ZNF521: variants seen among roughly 807,000 people sequenced by gnomAD.
ZNF521 encodes LYST-interacting protein 3.
In ZNF521, 14 loss-of-function variants were observed where a neutral mutation model predicts 105.5. That is an observed-to-expected ratio of 0.13 (90% confidence interval 0.09 to 0.21). ZNF521 has a LOEUF of 0.21. Ranked by LOEUF, ZNF521 falls within the 10% of genes least tolerant of loss-of-function variation. The pLI is 1.00. For missense variants in ZNF521, 1,233 were observed against 1,629.7 expected, an observed-to-expected ratio of 0.76 and a Z score of 4.19; for synonymous variants, 635 against 606.0, an observed-to-expected ratio of 1.05 and a Z score of -0.70.
intron 4 of ZNF521, among the ~76,000 whole-genome samples, chr18:25,219,868 C>G (rs984206462): frequency 1.3e-5 from 2 of 151,940 alleles, no homozygotes; most frequent in Non-Finnish European, 2.9e-5. Context: ...AGGTGTAATC[C>G]CCATAAAAAT....
At chr18:25,121,622 A>G (rs965634808) in intron 5 of ZNF521, among the ~76,000 whole-genome samples, 1 of 152,092 alleles carries the variant, frequency 6.6e-6, no homozygotes, top group Non-Finnish European at 1.5e-5. Flanking sequence ...CAGCAGAGTG[A>G]CCACCATCCC....
At position 25,283,921 on chromosome 18, in the gene ZNF521, TTC is replaced by T. The variant is rs201224783; in HGVS notation, c.220+38085_220+38086del. 1.4e-3 allele frequency among the ~76,000 whole-genome samples: 109 copies of T among 78,436 alleles called. 1 individual carries two copies. Among genetic ancestry groups the T allele is most frequent in the South Asian group, 0.01 (16 of 1,594 alleles). The allele number at this position is 78,436 out of a possible 152,430, so 51.5% of individuals were successfully genotyped here. On this transcript the variant is annotated intron_variant, in intron 3 of 7. Transcript: ENST00000361524. The stretch of plus-strand genomic sequence containing the variant: ...CACACCTAAAAAACAAGCCAATACT[TTC>T]CCCCCCCCCCAAAAAAATTCATGAG...
chr18:25,274,626 G>C (rs1735556954), intron 3 of ZNF521, among the ~76,000 whole-genome samples: 1 of 152,202 alleles, frequency 6.6e-6, no homozygotes, highest in South Asian at 2.1e-4. Context: ...ATGTAACAAA[G>C]TTCAATATAG....
chr18:25,261,711 T>C (rs1908923593), intron 3 of ZNF521, among the ~76,000 whole-genome samples: 1 of 152,066 alleles, frequency 6.6e-6, no homozygotes. Context: ...GAGCAGAGGC[T>C]GTCCAGTCTC....
intron 7 of ZNF521, among the ~76,000 whole-genome samples, chr18:25,087,704 T>C (rs2033653770): frequency 6.6e-6 from 1 of 152,208 alleles, no homozygotes; most frequent in Non-Finnish European, 1.5e-5. Context: ...TAGATTATTT[T>C]AATAAGATGT....
chr18:25,089,087 A>C (rs1332766281), intron 7 of ZNF521, among the ~76,000 whole-genome samples: 2 of 152,192 alleles, frequency 1.3e-5, no homozygotes, highest in Non-Finnish European at 1.5e-5. Flanking sequence ...CCTCAGGACA[A>C]CAATAACCTG....
intron 2 of ZNF521, chr18:25,327,397 T>G (rs774687068): frequency 3.5e-6 from 4 of 1,141,688 alleles, no homozygotes; most frequent in East Asian, 1.2e-4. Flanking sequence ...AGTTCATATG[T>G]GTACTCACAA....
intron 7 of ZNF521, among the ~76,000 whole-genome samples, chr18:25,064,443 C>A (rs2032997092): frequency 6.6e-6 from 1 of 152,210 alleles, no homozygotes; most frequent in African/African-American, 2.4e-5. Flanking sequence ...CGTTTGCAGA[C>A]CTGCAACTTG....
chr18:25,104,629 C>T (rs945859268), intron 5 of ZNF521, among the ~76,000 whole-genome samples: 1 of 152,136 alleles, frequency 6.6e-6, no homozygotes, highest in African/African-American at 2.4e-5. Context: ...CAAAGATTAG[C>T]ATGAGGATTT....
At chr18:25,092,802 A>C (rs1400910797) in intron 5 of ZNF521, among the ~76,000 whole-genome samples, 2 of 152,188 alleles carry the variant, frequency 1.3e-5, no homozygotes, top group African/African-American at 4.8e-5. Flanking sequence ...GGGCAGAAAA[A>C]TATTTTGATG....
At chr18:25,113,355 A>G (rs1249579283) in intron 5 of ZNF521, among the ~76,000 whole-genome samples, 2 of 152,074 alleles carry the variant, frequency 1.3e-5, no homozygotes, top group Non-Finnish European at 2.9e-5. Context: ...CTTTTCTAAC[A>G]AGGCCGCCCA....
rs371573409 is a variant in ZNF521, at chr18:25,122,337, G to C, written c.3659-30256C>G. On this transcript the variant is annotated intron_variant, in intron 5 of 7. Coordinates refer to ENST00000361524, the MANE Select transcript of ZNF521 (RefSeq NM_015461.3). The stretch of plus-strand genomic sequence containing the variant: ...TAATATACCTATGACTAAAATCCCT[G>C]AAGGAGATGTACAGAAAAATATCTG... 3.9e-5 allele frequency among the ~76,000 whole-genome samples: 6 copies of C among 152,200 alleles called. No homozygotes were observed. In the East Asian group the frequency reaches 1.2e-3, roughly 29 times the overall value.
chr18:25,138,177 C>A (rs1391234171), intron 5 of ZNF521, among the ~76,000 whole-genome samples: 1 of 152,082 alleles, frequency 6.6e-6, no homozygotes, highest in Non-Finnish European at 1.5e-5. Flanking sequence ...GCTGATACCT[C>A]CCAGGGATTC....
At chr18:25,294,566 G>T (rs771265618) in intron 3 of ZNF521, among the ~76,000 whole-genome samples, 2 of 152,088 alleles carry the variant, frequency 1.3e-5, no homozygotes, top group Non-Finnish European at 2.9e-5. Flanking sequence ...TTAAGAAGTA[G>T]GTTTAGGCTG....
At chr18:25,092,204 A>ACATATG in intron 5 of ZNF521, 123 bp from the exon 6 acceptor site, 2 of 1,101,104 alleles carry the variant, frequency 1.8e-6, no homozygotes, top group Non-Finnish European at 2.5e-6. Context: ...ATGTAGTATT[A>ACATATG]TATATGGTTT....
chr18:25,164,989 T>A (rs974547721), intron 5 of ZNF521, among the ~76,000 whole-genome samples: 1 of 152,224 alleles, frequency 6.6e-6, no homozygotes, highest in Non-Finnish European at 1.5e-5. Context: ...CCGAAAGATA[T>A]GACTTTCGTG....
chr18:25,221,627 A>G (rs1431757780), intron 4 of ZNF521, among the ~76,000 whole-genome samples: 3 of 152,186 alleles, frequency 2.0e-5, no homozygotes, highest in Non-Finnish European at 4.4e-5. Flanking sequence ...ATTGCTACCT[A>G]GGGCATCTAA....
At chr18:25,239,428 T>C (rs998464889) in intron 3 of ZNF521, among the ~76,000 whole-genome samples, 14 of 152,232 alleles carry the variant, frequency 9.2e-5, no homozygotes, top group Non-Finnish European at 1.5e-4. Context: ...TTGTTGATGA[T>C]TACTTTCAAG....
chr18:25,189,233 C>T (rs60314546), intron 5 of ZNF521, among the ~76,000 whole-genome samples: 1 of 152,160 alleles, frequency 6.6e-6, no homozygotes, highest in African/African-American at 2.4e-5. Context: ...AGCCTTGGTA[C>T]GTTCCTGTGG....
Sources: gnomAD v4.1 joint callset for allele counts (sites outside exome capture counted in the v4.1 genomes callset) on GRCh38, gnomAD v4.1.1 for gene constraint, MANE v1.5 for transcripts, NCBI Gene and HGNC (gene_info 2026-07-23, HGNC 2026-07-21) for gene names.